The following CNTNAP2 variants were observed in gnomAD, a reference collection of about 807,000 sequenced individuals.
The protein encoded by CNTNAP2 is contactin associated protein 2, also known as contactin-associated protein-like 2.
A neutral mutation model predicts 155.2 loss-of-function variants in CNTNAP2; 98 were observed. The ratio of observed to expected loss-of-function variants is 0.63; its 90% CI spans 0.54 to 0.75. The LOEUF (loss-of-function observed/expected upper bound fraction) is 0.75, where lower values mean the gene tolerates loss of function less well. CNTNAP2 is among the 30% of genes least tolerant of loss of function. The probability of loss-of-function intolerance (pLI) is 0.00; values close to 1 mark genes in which losing one functional copy is unlikely to be tolerated. For missense variants in CNTNAP2, 1,727 were observed against 1,688.1 expected (o/e 1.02, Z -0.40); for synonymous variants, 651 against 631.2 (o/e 1.03, Z -0.47).
intron 3 of CNTNAP2, among the ~76,000 whole-genome samples, chr7:146,999,415 T>C (rs1311644929): frequency 6.6e-6 from 1 of 152,010 alleles, no homozygotes; most frequent in Non-Finnish European, 1.5e-5. Flanking sequence ...AACTGTCATA[T>C]TAAAATGTTT....
chr7:148,042,972 C>A (rs1251692375), intron 15 of CNTNAP2, among the ~76,000 whole-genome samples: 1 of 152,218 alleles, frequency 6.6e-6, no homozygotes, highest in East Asian at 1.9e-4. Flanking sequence ...CACAAATGTT[C>A]TGTAAAGTCC....
At chr7:146,206,807 T>C (rs560109484) in intron 1 of CNTNAP2, among the ~76,000 whole-genome samples, 1 of 152,140 alleles carries the variant, frequency 6.6e-6, no homozygotes, top group East Asian at 1.9e-4. Flanking sequence ...ATCATCAACA[T>C]GATGCTGTAT....
At chr7:147,997,418 G>A (rs1370835800) in intron 15 of CNTNAP2, among the ~76,000 whole-genome samples, 1 of 152,050 alleles carries the variant, frequency 6.6e-6, no homozygotes, top group Admixed American at 6.5e-5. Flanking sequence ...TTAGCTGGGC[G>A]TGGTGGCACA....
chr7:146,997,465 G>A (rs1488442187), intron 3 of CNTNAP2, among the ~76,000 whole-genome samples: 1 of 151,952 alleles, frequency 6.6e-6, no homozygotes, highest in Admixed American at 6.6e-5. Flanking sequence ...TGTTGAATTT[G>A]GTTTACTAGT....
chr7:147,265,317 G>A (rs1804581932), intron 8 of CNTNAP2, among the ~76,000 whole-genome samples: 1 of 152,174 alleles, frequency 6.6e-6, no homozygotes, highest in Non-Finnish European at 1.5e-5. Flanking sequence ...TTTTTCCTCT[G>A]CTGGTGCTGG....
rs985872056 is a variant in CNTNAP2 at position 146,899,656 on chromosome 7, G to C, written c.402+59752G>C. ...GCTCAAACCAATTCCAGATAGATAG[G>C]CTCACGGAAGAAGAACCAGGAAATC... On this transcript the variant is annotated intron_variant, in intron 3 of 23. Coordinates refer to ENST00000361727, the MANE Select transcript of CNTNAP2 (RefSeq NM_014141.6). 2.0e-4 allele frequency among the ~76,000 whole-genome samples: 30 copies of C among 152,098 alleles called. 1 individual carries two copies. The highest frequency in any genetic ancestry group is 1.4e-3 in the Admixed American group (21 of 15,250).
chr7:146,607,937 G>T (rs1179827555), intron 1 of CNTNAP2, among the ~76,000 whole-genome samples: 1 of 151,984 alleles, frequency 6.6e-6, no homozygotes, highest in Non-Finnish European at 1.5e-5. Context: ...CCCTTTACTT[G>T]CTTTAATGGT....
At chr7:146,595,069 TATTTA>T (rs1798840303) in intron 1 of CNTNAP2, among the ~76,000 whole-genome samples, 2 of 152,110 alleles carry the variant, frequency 1.3e-5, no homozygotes, top group South Asian at 4.1e-4. Flanking sequence ...AACTTCCTGA[TATTTA>T]ATTATAAGCT....
intron 15 of CNTNAP2, among the ~76,000 whole-genome samples, chr7:148,031,000 G>A (rs762330976): frequency 6.6e-5 from 10 of 152,112 alleles, no homozygotes; most frequent in Non-Finnish European, 7.4e-5. Context: ...ATTGCAGTAG[G>A]GGAGAGATTG....
At chr7:146,283,004 T>A (rs948311124) in intron 1 of CNTNAP2, among the ~76,000 whole-genome samples, 2 of 152,208 alleles carry the variant, frequency 1.3e-5, no homozygotes, top group African/African-American at 4.8e-5. Flanking sequence ...AAACGCTGTG[T>A]CCTAAGTCCT....
chr7:147,894,370 C>T (rs951309229), intron 13 of CNTNAP2, among the ~76,000 whole-genome samples: 3 of 152,026 alleles, frequency 2.0e-5, no homozygotes, highest in East Asian at 3.9e-4. Flanking sequence ...GAGCATGAGT[C>T]GCTTAGAAAA....
In CNTNAP2 at chr7:147,092,793, G is replaced by C. The variant is rs28407989; in HGVS notation, c.551-15354G>C. On this transcript the variant is annotated intron_variant, in intron 4 of 23. Transcript: ENST00000361727. ...AAACTAAACTTATTGTTGATATAGTGGTTAGTGAATTTTAATAATTAGGTA... is the reference window on the plus strand; with the variant it reads ...AAACTAAACTTATTGTTGATATAGTCGTTAGTGAATTTTAATAATTAGGTA... Among the ~76,000 whole-genome samples the C allele has an allele frequency of 9.1e-3, 1,391 of 152,200 alleles. 21 individuals carry two copies. Among genetic ancestry groups the C allele is most frequent in the African/African-American group, 0.032 (1,321 of 41,518 alleles).
At chr7:147,788,900 C>CTTTTTTTTTTTT (rs11440955) in intron 13 of CNTNAP2, among the ~76,000 whole-genome samples, 4 of 100,748 alleles carry the variant, frequency 4.0e-5, no homozygotes, top group Admixed American at 1.2e-4. Context: ...TTTTCTTTTT[C>CTTTTTTTTTTTT]TTTTTTTTTT....
At chr7:146,325,890 T>C (rs1157203278) in intron 1 of CNTNAP2, among the ~76,000 whole-genome samples, 2 of 152,212 alleles carry the variant, frequency 1.3e-5, no homozygotes, top group African/African-American at 4.8e-5. Flanking sequence ...CAGACATGTT[T>C]ATTAAGATGT....
chr7:148,280,176 C>A (rs974955925), intron 21 of CNTNAP2, among the ~76,000 whole-genome samples: 2 of 152,090 alleles, frequency 1.3e-5, no homozygotes, highest in African/African-American at 4.8e-5. Flanking sequence ...GGCATGGTGG[C>A]CCATGCCTGT....
At chr7:147,878,150 T>TA (rs5888291) in intron 13 of CNTNAP2, among the ~76,000 whole-genome samples, 86,201 of 151,392 alleles carry the variant, frequency 0.57, 25,117 homozygotes, top group African/African-American at 0.69. Context: ...TAGGGTTTTT[T>TA]TTTTTTTCTT....
intron 1 of CNTNAP2, among the ~76,000 whole-genome samples, chr7:146,750,869 A>T (rs1801891429): frequency 6.6e-6 from 1 of 152,172 alleles, no homozygotes; most frequent in Admixed American, 6.5e-5. Context: ...TTAAGTGTTT[A>T]TGTAGTAATT....
intron 3 of CNTNAP2, among the ~76,000 whole-genome samples, chr7:146,930,181 C>A (rs1274176315): frequency 6.6e-6 from 1 of 152,102 alleles, no homozygotes; most frequent in Non-Finnish European, 1.5e-5. Flanking sequence ...TTAAGGGCAG[C>A]CAGAGAGAAA....
chr7:146,775,031 A>G (rs1276346690), intron 2 of CNTNAP2, among the ~76,000 whole-genome samples: 1 of 152,232 alleles, frequency 6.6e-6, no homozygotes, highest in Non-Finnish European at 1.5e-5. Context: ...CACTGGTACA[A>G]ACATCAGTGA....
Sources: allele counts gnomAD v4.1 joint callset (sites outside exome capture counted in the v4.1 genomes callset), GRCh38; gene constraint gnomAD v4.1.1; transcripts MANE v1.5; gene names NCBI Gene and HGNC (gene_info 2026-07-23, HGNC 2026-07-21).